Variants in STK32B observed in about 807,000 individuals in gnomAD.
STK32B encodes serine/threonine-protein kinase 32B.
Under a neutral mutation model 52.6 loss-of-function variants are expected in STK32B, and 43 were observed. The observed-to-expected ratio is 0.82, with a 90% confidence interval of 0.64 to 1.05. The LOEUF (loss-of-function observed/expected upper bound fraction) is 1.05, where lower values mean the gene tolerates loss of function less well. Ranked by LOEUF, STK32B falls within the 50% of genes least tolerant of loss-of-function variation. STK32B has a pLI of 0.00. For missense variants in STK32B, 621 were observed against 534.6 expected (o/e 1.16, Z -1.59); for synonymous variants, 238 against 204.3 (o/e 1.17, Z -1.41).
At position 5,408,159 on chromosome 4, in the gene STK32B, T is replaced by C. The variant is rs139174440; in HGVS notation, c.473-8686T>C. 2.1e-3 allele frequency among the ~76,000 whole-genome samples: 315 copies of C among 152,004 alleles called. 1 individual carries two copies. The highest frequency in any genetic ancestry group is 7.3e-3 in the African/African-American group (301 of 41,406). ...AGCCCAAACGGACTGAGATGGGGAG[T>C]GAAGGGCTGGAAAGAAGCTAATAAG... On this transcript the variant is annotated intron_variant, in intron 5 of 11. Transcript: ENST00000282908.
intron 4 of STK32B, among the ~76,000 whole-genome samples, chr4:5,381,633 A>G (rs1038747289): frequency 1.3e-5 from 2 of 152,216 alleles, no homozygotes; most frequent in African/African-American, 4.8e-5. Flanking sequence ...TTCGCTACCC[A>G]GAGGTGTGGA....
At chr4:5,285,252 T>C (rs2108876063) in intron 3 of STK32B, among the ~76,000 whole-genome samples, 1 of 152,330 alleles carries the variant, frequency 6.6e-6, no homozygotes, top group East Asian at 1.9e-4. Flanking sequence ...TCAAAAATTA[T>C]ACATAGATTT....
intron 6 of STK32B, among the ~76,000 whole-genome samples, chr4:5,432,859 C>T (rs1410917314): frequency 1.3e-5 from 2 of 151,778 alleles, no homozygotes; most frequent in Admixed American, 6.6e-5. Flanking sequence ...TATACATAGC[C>T]GTTTTCTCTT....
chr4:5,444,396 C>A (rs570753598), intron 6 of STK32B, among the ~76,000 whole-genome samples: 54 of 152,330 alleles, frequency 3.5e-4, no homozygotes, highest in African/African-American at 1.1e-3. Flanking sequence ...TTCTTTGACT[C>A]GGAAAGGGAA....
At chr4:5,457,320 A>G (rs1408598900) in intron 8 of STK32B, among the ~76,000 whole-genome samples, 1 of 143,458 alleles carries the variant, frequency 7.0e-6, no homozygotes, top group Non-Finnish European at 1.5e-5. Flanking sequence ...GGTTCACGCC[A>G]TTTTCCTGCC....
At chr4:5,050,560 T>A (rs1741722690), upstream of STK32B, among the ~76,000 whole-genome samples, 1 of 151,272 alleles carries the variant, frequency 6.6e-6, no homozygotes, top group Non-Finnish European at 1.5e-5. Context: ...ATGGAGAGAG[T>A]CACAAAGAAC....
At chr4:5,412,031 G>C (rs1016699428) in intron 5 of STK32B, among the ~76,000 whole-genome samples, 3 of 152,156 alleles carry the variant, frequency 2.0e-5, no homozygotes, top group African/African-American at 7.2e-5. Context: ...AGTCAAGAGG[G>C]AAGAACATTC....
chr4:5,200,253 C>CTTTTTTTTTTTTTTTT (rs35848579), intron 3 of STK32B, among the ~76,000 whole-genome samples: 1 of 142,342 alleles, frequency 7.0e-6, no homozygotes. Flanking sequence ...CTCTTCTGCT[C>CTTTTTTTTTTTTTTTT]TTTTTTTTTT....
intron 3 of STK32B, among the ~76,000 whole-genome samples, chr4:5,224,784 ACT>A (rs1401189912): frequency 1.9e-4 from 29 of 152,156 alleles, no homozygotes; most frequent in Admixed American, 1.1e-3. Context: ...AATCATATCA[ACT>A]CTGAGTATAA....
At chr4:5,169,585 C>G (rs932137472) in intron 3 of STK32B, among the ~76,000 whole-genome samples, 7 of 151,972 alleles carry the variant, frequency 4.6e-5, no homozygotes, top group Non-Finnish European at 8.8e-5. Flanking sequence ...TGCCAGGTGC[C>G]ACAGACATGG....
intron 3 of STK32B, among the ~76,000 whole-genome samples, chr4:5,250,948 C>G (rs1725886314): frequency 6.6e-6 from 1 of 152,162 alleles, no homozygotes; most frequent in South Asian, 2.1e-4. Flanking sequence ...CTTACAGATC[C>G]TGGATATTAG....
At chr4:5,284,042 A>G (rs1048209137) in intron 3 of STK32B, among the ~76,000 whole-genome samples, 9 of 152,320 alleles carry the variant, frequency 5.9e-5, no homozygotes, top group Middle Eastern at 3.4e-3. Flanking sequence ...AAAATTGTCT[A>G]GGCGTACAAA....
chr4:5,313,352 A>G (rs1415609267), intron 3 of STK32B, among the ~76,000 whole-genome samples: 3 of 152,058 alleles, frequency 2.0e-5, no homozygotes, highest in Admixed American at 6.5e-5. Flanking sequence ...CATTCATGAT[A>G]AAAACTCTCA....
intron 1 of STK32B, among the ~76,000 whole-genome samples, chr4:5,087,143 A>C (rs1025384769): frequency 2.6e-5 from 4 of 152,188 alleles, no homozygotes; most frequent in Admixed American, 2.6e-4. Context: ...TAAAGCTATA[A>C]TATGTGGTAA....
intron 3 of STK32B, among the ~76,000 whole-genome samples, chr4:5,222,974 G>T (rs1430208879): frequency 6.6e-6 from 1 of 152,200 alleles, no homozygotes; most frequent in Non-Finnish European, 1.5e-5. Flanking sequence ...GGCCCAGAGT[G>T]CCAGGGCCTT....
intron 1 of STK32B, 43 bp from the exon 2 acceptor site, chr4:5,139,861 GT>G: frequency 6.2e-7 from 1 of 1,612,456 alleles, no homozygotes. Flanking sequence ...GCAATACCAG[GT>G]TTAGCAAATC....
intron 4 of STK32B, among the ~76,000 whole-genome samples, chr4:5,337,278 A>C (rs1363509842): frequency 6.6e-6 from 1 of 152,072 alleles, no homozygotes; most frequent in Admixed American, 6.6e-5. Flanking sequence ...TGTGAGCCAC[A>C]GTGCCCAGAC....
At chr4:5,118,903 C>T (rs1443871180) in intron 1 of STK32B, among the ~76,000 whole-genome samples, 1 of 152,184 alleles carries the variant, frequency 6.6e-6, no homozygotes, top group Admixed American at 6.5e-5. Flanking sequence ...GTCTTCCTCC[C>T]ATGGCAGCCT....
In STK32B at chr4:5,059,052, CTTTTTTTTTT is replaced by C. The variant is rs3072775; in HGVS notation, c.52+7157_52+7166del. Among the ~76,000 whole-genome samples the C allele has an allele frequency of 4.5e-4, 39 of 86,922 alleles. 1 individual carries two copies. The South Asian group carries it at 0.014, about 31-fold the overall frequency. 57.0% of individuals were successfully genotyped at this position (86,922 alleles called of 152,430 possible). On this transcript the variant is annotated intron_variant, in intron 1 of 11. Coordinates refer to ENST00000282908, the MANE Select transcript of STK32B (RefSeq NM_018401.3). ...AGGCGTGAGCCACCACGCCCAGCTG[CTTTTTTTTTT>C]TTTTTTTTTTTTTTTTTTTGTAGAG... is the stretch of plus-strand genomic sequence containing the variant.
Sources: gnomAD v4.1 joint callset for allele counts (sites outside exome capture counted in the v4.1 genomes callset) on GRCh38, gnomAD v4.1.1 for gene constraint, MANE v1.5 for transcripts, NCBI Gene and HGNC (gene_info 2026-07-23, HGNC 2026-07-21) for gene names.